Variants in UBN2 observed in about 807,000 individuals in gnomAD.
The protein encoded by UBN2 is ubinuclein-2.
A neutral mutation model predicts 120.2 loss-of-function variants in UBN2; 35 were observed. The observed-to-expected ratio is 0.29, with a 90% CI of 0.22 to 0.39. UBN2 has a LOEUF of 0.39. UBN2 is among the 10% of genes least tolerant of loss of function. The pLI is 1.00. For synonymous variants in UBN2, 661 were observed against 648.7 expected, an observed-to-expected ratio of 1.02 and a Z score of -0.29; for missense variants, 1,693 against 1,663.2, an observed-to-expected ratio of 1.02 and a Z score of -0.31.
intron 12 of UBN2, among the ~76,000 whole-genome samples, chr7:139,278,662 T>TA (rs1401092434): frequency 1.3e-5 from 2 of 152,146 alleles, no homozygotes; most frequent in Non-Finnish European, 2.9e-5. Context: ...AATGAAGTTG[T>TA]AAATTGACAG....
intron 2 of UBN2, among the ~76,000 whole-genome samples, chr7:139,239,169 C>A (rs371314645): frequency 6.6e-6 from 1 of 152,196 alleles, no homozygotes; most frequent in African/African-American, 2.4e-5. Flanking sequence ...TCCTTTCCCA[C>A]CCCCTTTTTA....
intron 1 of UBN2, among the ~76,000 whole-genome samples, chr7:139,236,777 A>G (rs1416949253): frequency 6.6e-6 from 1 of 151,584 alleles, no homozygotes; most frequent in Non-Finnish European, 1.5e-5. Flanking sequence ...ACTTGTTAGT[A>G]TTAGGAAAAG....
chr7:139,231,680 C>A lies in UBN2; in HGVS notation c.196C>A (p.Pro66Thr). 8.4e-7 allele frequency: 1 copy of A among 1,184,544 alleles called. No individual in the cohort carries two copies. Among genetic ancestry groups the A allele is most frequent in the South Asian group, 4.0e-5 (1 of 24,802 alleles). 73.4% of individuals were successfully genotyped at this position (1,184,544 alleles called of 1,614,324 possible). A position where few individuals can be genotyped will look rare whatever the true frequency, so the allele number is the denominator to read the frequency against. The change falls in exon 1 of 18, where the codon CCG becomes ACG. Residue 66 changes from proline to threonine, a missense_variant. Physicochemically the swap from Pro to Thr is conservative, Grantham distance 38. Transcript: ENST00000473989. ...TGCCCCCCGCTCGGACGCGCAGCCC[C>A]CGTCGCGGGAGAAGCCGCTCCCCCA... The part of the protein sequence containing the change: ...EPAPRSDAQP[P>T]SREKPLPQRE...
chr7:139,325,262 T>TTTA, the UBN2 span, among the ~76,000 whole-genome samples: 1 of 70,374 alleles, frequency 1.4e-5, no homozygotes. Flanking sequence ...AAATCACTGC[T>TTTA]TTTTTTTTTT....
intron 15 of UBN2, among the ~76,000 whole-genome samples, chr7:139,285,232 C>T (rs1035498141): frequency 5.9e-5 from 9 of 152,054 alleles, no homozygotes; most frequent in Non-Finnish European, 1.2e-4. Context: ...GGTAGCCGGG[C>T]ATGGTGGCTC....
chr7:139,281,086 C>G (rs1000374871), intron 13 of UBN2, among the ~76,000 whole-genome samples: 1 of 152,086 alleles, frequency 6.6e-6, no homozygotes, highest in Non-Finnish European at 1.5e-5. Context: ...TTAGTACCCT[C>G]CATAAAGGAT....
At chr7:139,271,862 G>A (rs1797285842) in intron 8 of UBN2, among the ~76,000 whole-genome samples, 1 of 152,134 alleles carries the variant, frequency 6.6e-6, no homozygotes, top group Non-Finnish European at 1.5e-5. Context: ...CCATAACTGA[G>A]AGAACAGGAT....
intron 11 of UBN2, 94 bp from the exon 12 acceptor site, chr7:139,276,003 G>C (rs1351852661): frequency 3.4e-5 from 32 of 941,522 alleles, no homozygotes; most frequent in Non-Finnish European, 6.6e-6. Context: ...AGCAGTAATA[G>C]TCTACTGAAA....
the UBN2 span, among the ~76,000 whole-genome samples, chr7:139,316,072 C>G: frequency 5.5e-5 from 5 of 91,088 alleles, no homozygotes; most frequent in Non-Finnish European, 9.2e-5. Flanking sequence ...AGCGAGACTT[C>G]GTCTCAAAAA....
the UBN2 span, among the ~76,000 whole-genome samples, chr7:139,324,297 T>C: frequency 9.9e-5 from 15 of 151,616 alleles, no homozygotes; most frequent in Admixed American, 9.9e-4. Context: ...TGGCTGGGCG[T>C]GGTGGCTCAC....
At chr7:139,234,053 T>C (rs1796099971) in intron 1 of UBN2, among the ~76,000 whole-genome samples, 1 of 152,130 alleles carries the variant, frequency 6.6e-6, no homozygotes, top group South Asian at 2.1e-4. Flanking sequence ...TATATCCTTA[T>C]TATGCAAGAA....
intron 7 of UBN2, among the ~76,000 whole-genome samples, chr7:139,266,631 A>G (rs928810876): frequency 6.6e-6 from 1 of 152,206 alleles, no homozygotes; most frequent in African/African-American, 2.4e-5. Context: ...CAACTGCCAG[A>G]GCAAGTGACG....
Position 139,303,456 on chromosome 7 carries a change from C to T in UBN2, c.*5620C>T, listed in dbSNP as rs983972478. 9 of 152,102 alleles carry T rather than the reference C, an allele frequency of 5.9e-5. No individual in the cohort carries two copies. Among genetic ancestry groups the T allele is most frequent in the African/African-American group, 2.2e-4 (9 of 41,418 alleles). 9.4% of individuals were successfully genotyped at this position (152,102 alleles called of 1,614,324 possible). A position where few individuals can be genotyped will look rare whatever the true frequency, so the allele number is the denominator to read the frequency against. On this transcript the variant is annotated 3_prime_UTR_variant, in exon 18 of 18. Transcript: ENST00000473989. ...GGCTTAAAAGGAGAAAGCAGAAGCTCCTGGTAGTGTTACCTGATAGCAGAA... is the reference window on the plus strand; with the variant it reads ...GGCTTAAAAGGAGAAAGCAGAAGCTTCTGGTAGTGTTACCTGATAGCAGAA...
chr7:139,233,820 C>T (rs1402967422), intron 1 of UBN2, among the ~76,000 whole-genome samples: 5 of 151,800 alleles, frequency 3.3e-5, no homozygotes, highest in Non-Finnish European at 7.4e-5. Context: ...GCTTTGTTAA[C>T]TTGATAACAC....
At chr7:139,277,453 AAAGT>A (rs1451599041) in intron 12 of UBN2, 3 of 152,226 alleles carry the variant, frequency 2.0e-5, no homozygotes, top group African/African-American at 7.2e-5. Flanking sequence ...TTCTTACAAT[AAAGT>A]AAGCTAAAGA....
the UBN2 span, among the ~76,000 whole-genome samples, chr7:139,316,108 G>A: frequency 0.95 from 85,434 of 90,386 alleles, 40,301 homozygotes; most frequent in East Asian, 0.99. Context: ...AAAAAAAAAA[G>A]GGGTTCCAGT....
intron 2 of UBN2, among the ~76,000 whole-genome samples, chr7:139,245,541 T>A (rs905572758): frequency 6.6e-6 from 1 of 152,232 alleles, no homozygotes; most frequent in African/African-American, 2.4e-5. Flanking sequence ...TGGCTAGACA[T>A]AGATGTTCCT....
At chr7:139,319,947 G>A in the UBN2 span, among the ~76,000 whole-genome samples, 2 of 151,464 alleles carry the variant, frequency 1.3e-5, no homozygotes, top group Admixed American at 6.6e-5. Context: ...GTGGTGGCGG[G>A]TGCCTGTAGT....
rs183418375 is a variant in UBN2 at position 139,248,326 on chromosome 7, A to G, written c.562-3630A>G. On this transcript the variant is annotated intron_variant, in intron 2 of 17. Coordinates refer to ENST00000473989, the MANE Select transcript of UBN2 (RefSeq NM_173569.4). ...GAAGAAGAAAATGTAAGAGTATTGC[A>G]AAGTCTCATGGCAGATGCTTTCAGA... Among the ~76,000 whole-genome samples the G allele has an allele frequency of 3.2e-3, 484 of 152,282 alleles. 1 individual carries two copies. Among genetic ancestry groups the G allele is most frequent in the African/African-American group, 0.011 (457 of 41,578 alleles).
Sources: gnomAD v4.1 joint callset for allele counts (sites outside exome capture counted in the v4.1 genomes callset) on GRCh38, gnomAD v4.1.1 for gene constraint, MANE v1.5 for transcripts, NCBI Gene and HGNC (gene_info 2026-07-23, HGNC 2026-07-21) for gene names.